The following ACSM3 variants were observed in gnomAD, a reference collection of about 807,000 sequenced individuals.
ACSM3 encodes the protein acyl-CoA synthetase medium chain family member 3, also known as acyl-coenzyme A synthetase ACSM3, mitochondrial.
A neutral mutation model predicts 74.1 loss-of-function variants in ACSM3; 61 were observed. The ratio of observed to expected loss-of-function variants is 0.82; its 90% confidence interval spans 0.67 to 1.02. The LOEUF (loss-of-function observed/expected upper bound fraction) is 1.02. Ranked by LOEUF, ACSM3 falls within the 50% of genes least tolerant of loss-of-function variation. The pLI, the probability that ACSM3 is intolerant of heterozygous loss-of-function variation, is 0.00. For missense variants in ACSM3, 660 were observed against 697.0 expected, an observed-to-expected ratio of 0.95 and a Z score of 0.60; for synonymous variants, 213 against 241.5, an observed-to-expected ratio of 0.88 and a Z score of 1.09.
chr16:20,738,310 C>CAAAA, intron 1 of ACSM3: 19 of 219,224 alleles, frequency 8.7e-5, no homozygotes, highest in East Asian at 1.1e-4. Context: ...CACTTTTTTA[C>CAAAA]AAAAAAAAAA....
intron 3 of ACSM3, 119 bp from the exon 4 acceptor site, chr16:20,777,254 C>A: frequency 1.1e-6 from 1 of 926,582 alleles, no homozygotes. Flanking sequence ...TAGATATCTT[C>A]CTGGTAAACT....
At chr16:20,691,210 C>T (rs2079648525) in intron 1 of ACSM3, 1 of 1,540,700 alleles carries the variant, frequency 6.5e-7, no homozygotes, top group Non-Finnish European at 8.7e-7. Context: ...CCTCAGAAAC[C>T]AGGCACAGAG....
chr16:20,692,114 A>G (rs965521245), intron 1 of ACSM3, among the ~76,000 whole-genome samples: 3 of 152,192 alleles, frequency 2.0e-5, no homozygotes, highest in Admixed American at 6.5e-5. Context: ...ACTGAAAAAT[A>G]TACACCATCA....
At chr16:20,677,573 A>C (rs1357733910) in intron 1 of ACSM3, among the ~76,000 whole-genome samples, 1 of 152,208 alleles carries the variant, frequency 6.6e-6, no homozygotes, top group African/African-American at 2.4e-5. Flanking sequence ...TGATAGATGA[A>C]GTGTTCTCAA....
chr16:20,679,374 A>C (rs1382747059), intron 1 of ACSM3: 1 of 152,210 alleles, frequency 6.6e-6, no homozygotes, highest in East Asian at 1.9e-4. Context: ...AAGATCTTGC[A>C]AGCTCTGCTC....
intron 9 of ACSM3, 56 bp downstream of exon 9, chr16:20,786,214 C>T (rs1394176429): frequency 1.3e-6 from 2 of 1,581,604 alleles, no homozygotes; most frequent in Non-Finnish European, 1.7e-6. Flanking sequence ...ACACTACCTA[C>T]CTACCGCTTA....
upstream of ACSM3, among the ~76,000 whole-genome samples, chr16:20,759,914 A>G (rs894735722): frequency 1.3e-5 from 2 of 152,162 alleles, no homozygotes; most frequent in African/African-American, 2.4e-5. Flanking sequence ...TAAGCCCCCA[A>G]ACTGACTGAA....
intron 1 of ACSM3, chr16:20,735,593 T>C (rs1247010456): frequency 6.6e-6 from 1 of 151,242 alleles, no homozygotes; most frequent in Non-Finnish European, 1.5e-5. Flanking sequence ...GCACCAGGAG[T>C]GTAGATACCA....
chr16:20,709,124 T>TA (rs1187472751), intron 1 of ACSM3, among the ~76,000 whole-genome samples: 4 of 152,130 alleles, frequency 2.6e-5, no homozygotes, highest in African/African-American at 9.7e-5. Flanking sequence ...AAGTATAATT[T>TA]AAAAAATGGT....
intron 1 of ACSM3, chr16:20,725,328 G>T: frequency 4.4e-6 from 1 of 224,802 alleles, no homozygotes. Context: ...TTCATTGACC[G>T]CTTCTGACTT....
Position 20,792,252 on chromosome 16 carries a change from T to C in ACSM3, c.1471T>C (p.Phe491Leu). 6.2e-7 allele frequency: 1 copy of C among 1,614,090 alleles called. No individual in the cohort carries two copies. The part of the protein sequence containing the change: ...ILSSGYRIGP[F>L]EVENALNEHP... Reference sequence around the variant, plus strand: ...TGTTTCTAGCTATCGAATTGGACCATTTGAGGTAGAAAATGCCCTGAATGA... The same window carrying C: ...TGTTTCTAGCTATCGAATTGGACCACTTGAGGTAGAAAATGCCCTGAATGA... Residue 491 changes from phenylalanine (F) to leucine (L), a missense_variant, in exon 12 of 14, where the codon TTT becomes CTT. Coordinates refer to ENST00000289416, the MANE Select transcript of ACSM3 (RefSeq NM_005622.4).
intron 1 of ACSM3, among the ~76,000 whole-genome samples, chr16:20,715,944 C>T (rs2079760161): frequency 6.6e-6 from 1 of 152,206 alleles, no homozygotes; most frequent in African/African-American, 2.4e-5. Context: ...CAGGTTCACC[C>T]TCAAGTCAGG....
At chr16:20,723,057 CA>C (rs1472526224) in intron 1 of ACSM3, among the ~76,000 whole-genome samples, 14 of 152,148 alleles carry the variant, frequency 9.2e-5, no homozygotes, top group African/African-American at 3.4e-4. Context: ...CAACAGGCCC[CA>C]GTGTGTGATG....
chr16:20,721,237 G>C (rs2079784066), intron 1 of ACSM3: 1 of 152,198 alleles, frequency 6.6e-6, no homozygotes, highest in African/African-American at 2.4e-5. Context: ...TCATCATTGA[G>C]GCTATGGATG....
chr16:20,783,591 G>C (rs1444448320), intron 7 of ACSM3: 1 of 152,014 alleles, frequency 6.6e-6, no homozygotes, highest in East Asian at 1.9e-4. Flanking sequence ...TCATATCACA[G>C]GTAAATATAT....
At chr16:20,754,755 GA>G (rs1201100641) in intron 2 of ACSM3, among the ~76,000 whole-genome samples, 1 of 152,162 alleles carries the variant, frequency 6.6e-6, no homozygotes, top group Non-Finnish European at 1.5e-5. Flanking sequence ...CAATTCTCCA[GA>G]GCCATATTAA....
chr16:20,741,477 G>GCCGGGGGGGGGGGGCCCCCCCCCCCCCCC, intron 1 of ACSM3: 1 of 1,378,122 alleles, frequency 7.3e-7, no homozygotes, highest in Non-Finnish European at 9.6e-7. Flanking sequence ...AGGCCTGGCA[G>GCCGGGGGGGGGGGGCCCCCCCCCCCCCCC]CCGGCCCGCC....
At chr16:20,731,647 C>A in intron 1 of ACSM3, 2 of 374,830 alleles carry the variant, frequency 5.3e-6, no homozygotes, top group South Asian at 5.9e-5. Context: ...TGTCTTAGCT[C>A]CATCCTGTAA....
chr16:20,790,795 TGA>T lies in ACSM3; in HGVS notation c.1326+112_1326+113del. 1 of 1,613,382 alleles carries T rather than the reference TGA, an allele frequency of 6.2e-7. No individual in the cohort carries two copies. The highest frequency in any genetic ancestry group is 8.5e-7 in the Non-Finnish European group (1 of 1,179,576). ...CTAGGATAGGTACTTGACCCTTTCT[TGA>T]GAGATTGGTTGTCCTGAATAGTAAT... On this transcript the variant is annotated intron_variant, in intron 10 of 13. Transcript: ENST00000289416. The surrounding 1 kb of genome is among the most constrained non-coding windows in gnomAD (Gnocchi z 4.0).
Sources: allele counts gnomAD v4.1 joint callset (sites outside exome capture counted in the v4.1 genomes callset), GRCh38; gene constraint gnomAD v4.1.1; non-coding constraint Gnocchi (gnomAD v3.1); transcripts MANE v1.5; gene names NCBI Gene and HGNC (gene_info 2026-07-23, HGNC 2026-07-21).